The following RPL27A variants were observed in gnomAD, a reference collection of about 807,000 sequenced individuals.
RPL27A encodes ribosomal protein L27a, also known as large ribosomal subunit protein uL15.
For missense variants in RPL27A, 118 were observed against 189.4 expected (o/e 0.62, Z 2.21); for synonymous variants, 69 against 68.3 (o/e 1.01, Z -0.05).
In RPL27A at chr11:8,686,856, G is replaced by T. The variant is rs2039591747; in HGVS notation, c.*1050G>T. 1 of 152,130 alleles carries T rather than the reference G, an allele frequency of 6.6e-6. No homozygotes were observed. Among genetic ancestry groups the T allele is most frequent in the Non-Finnish European group, 1.5e-5 (1 of 68,028 alleles). 9.4% of individuals were successfully genotyped at this position (152,130 alleles called of 1,614,324 possible). A position where few individuals can be genotyped will look rare whatever the true frequency, so the allele number is the denominator to read the frequency against. On this transcript the variant is annotated 3_prime_UTR_variant, in exon 5 of 5. Coordinates refer to ENST00000314138, the MANE Select transcript of RPL27A (RefSeq NM_000990.5). ...GCTACAGTTTTATGGTTCTTCCTGT[G>T]ATTTTGAGCTTTTTTTGACCCAAAA...
chr11:8,684,465 AT>A (rs2133616289), intron 3 of RPL27A: 1 of 692,194 alleles, frequency 1.4e-6, no homozygotes, highest in Non-Finnish European at 2.6e-6. Context: ...TGTGACTTGA[AT>A]TTTAGTCTCG....
At position 8,686,955 on chromosome 11, in the gene RPL27A, A is replaced by T. The variant is rs1172718843; in HGVS notation, c.*1149A>T. The stretch of plus-strand genomic sequence containing the variant: ...GGTTTTAGTTAGTGGAGGTTTCCTT[A>T]GTGCACTGTGGGGTCATAATAAGCC... On this transcript the variant is annotated 3_prime_UTR_variant, in exon 5 of 5. Coordinates refer to ENST00000314138, the MANE Select transcript of RPL27A (RefSeq NM_000990.5). 1.3e-5 allele frequency: 2 copies of T among 152,168 alleles called. No individual in the cohort carries two copies. Among genetic ancestry groups the T allele is most frequent in the Non-Finnish European group, 2.9e-5 (2 of 68,020 alleles). 9.4% of individuals were successfully genotyped at this position (152,168 alleles called of 1,614,324 possible). A position where few individuals can be genotyped will look rare whatever the true frequency, so the allele number is the denominator to read the frequency against.
At chr11:8,683,565 C>T (rs1018922398) in intron 2 of RPL27A, 3 of 531,116 alleles carry the variant, frequency 5.6e-6, no homozygotes, top group Non-Finnish European at 3.4e-6. Context: ...AATCGCATTG[C>T]TGAAAACCGG....
chr11:8,685,518 T>G, intron 4 of RPL27A, 160 bp from the exon 5 acceptor site: 1 of 789,106 alleles, frequency 1.3e-6, no homozygotes, highest in Non-Finnish European at 2.3e-6. Flanking sequence ...TGGTCTTGAT[T>G]CACTGGTGGG....
chr11:8,683,719 C>G (rs112533323), intron 2 of RPL27A: 1 of 503,198 alleles, frequency 2.0e-6, no homozygotes, highest in Admixed American at 3.2e-5. Context: ...TCACTGTCGC[C>G]CAGGCTGGAG....
At position 8,687,312 on chromosome 11, in the gene RPL27A, T is replaced by C. The variant is rs755940010; in HGVS notation, c.*1506T>C. On this transcript the variant is annotated 3_prime_UTR_variant, in exon 5 of 5. Coordinates refer to ENST00000314138, the MANE Select transcript of RPL27A (RefSeq NM_000990.5). ...TACTTTGGAGGCTGAGCCAGGAGAA[T>C]CTCCAGGAGGCGGAGGTTGCTGTGA... 1 of 148,560 alleles carries C rather than the reference T, an allele frequency of 6.7e-6. No individual in the cohort carries two copies. The highest frequency in any genetic ancestry group is 2.0e-4 in the East Asian group (1 of 4,942). 9.2% of individuals were successfully genotyped at this position (148,560 alleles called of 1,614,324 possible).
chr11:8,684,850 A>C lies in RPL27A; in HGVS notation c.276A>C (p.Lys92Asn). The C allele has an allele frequency of 3.1e-6, 5 of 1,614,158 alleles. No individual in the cohort carries two copies. The highest frequency in any genetic ancestry group is 4.2e-6 in the Non-Finnish European group (5 of 1,179,980). The change falls in exon 4 of 5, where the codon AAA (lysine) becomes AAC (asparagine). Residue 92 changes from lysine to asparagine, a missense_variant. By Grantham distance (94) the Lys-to-Asn change is moderately conservative (BLOSUM62 0). Coordinates refer to ENST00000314138, the MANE Select transcript of RPL27A (RefSeq NM_000990.5). ...VSEQTRVNAA[K>N]NKTGAAPIID... ...AACAGACACGGGTGAATGCTGCTAA[A>C]AACAAGACTGGGGCTGCTCCCATCA...
chr11:8,683,255 C>T lies in RPL27A; in HGVS notation c.57C>T (p.His19=). 11 of 1,614,196 alleles carry T rather than the reference C, an allele frequency of 6.8e-6. No individual in the cohort carries two copies. Among genetic ancestry groups the T allele is most frequent in the Non-Finnish European group, 9.3e-6 (11 of 1,179,986 alleles). ...RKLRGHVSHG[H]GRIGKHRKHP... ...TTAGGGGCCACGTGAGCCACGGCCA[C>T]GGCCGCATAGGTAAGTGCCGGCTTC... is the stretch of plus-strand genomic sequence containing the variant. Residue 19 remains histidine (H), a synonymous_variant, in exon 2 of 5, where the codon CAC becomes CAT. Coordinates refer to ENST00000314138, the MANE Select transcript of RPL27A (RefSeq NM_000990.5).
chr11:8,683,801 C>T (rs1423833138), intron 2 of RPL27A: 2 of 577,778 alleles, frequency 3.5e-6, no homozygotes, highest in Non-Finnish European at 6.3e-6. Flanking sequence ...CCTCAGCCTC[C>T]CGAGTAGCTG....
rs536900825 is a variant in RPL27A, at chr11:8,682,966, G to C, written c.3+150G>C. ...GGGGCAGGGTGGCCGGCGCGGGCCCGGGGCGGGGCTCCCGGAGCCGTGTGT... is the reference window on the plus strand; with the variant it reads ...GGGGCAGGGTGGCCGGCGCGGGCCCCGGGCGGGGCTCCCGGAGCCGTGTGT... On this transcript the variant is annotated intron_variant, in intron 1 of 4. Transcript: ENST00000314138. 1.6e-5 allele frequency: 18 copies of C among 1,100,710 alleles called. No homozygotes were observed. The African/African-American group carries it at 2.2e-4, about 14-fold the overall frequency. The allele number at this position is 1,100,710 out of a possible 1,614,324, so 68.2% of individuals were successfully genotyped here.
At chr11:8,683,914 T>G (rs764930327) in intron 2 of RPL27A, 92 bp from the exon 3 acceptor site, 1 of 980,252 alleles carries the variant, frequency 1.0e-6, no homozygotes, top group African/African-American at 1.6e-5. Context: ...ACTCCTGACC[T>G]CAGGTGATCT....
chr11:8,684,861 G>T lies in RPL27A; in HGVS notation c.287G>T (p.Gly96Val), dbSNP rs1278922668. The T allele has an allele frequency of 4.6e-5, 74 of 1,613,928 alleles. No individual in the cohort carries two copies. Among genetic ancestry groups the T allele is most frequent in the Non-Finnish European group, 6.3e-5 (74 of 1,179,970 alleles). ...TRVNAAKNKT[G>V]AAPIIDVVRS... ...GTGAATGCTGCTAAAAACAAGACTG[G>T]GGCTGCTCCCATCATTGATGTGGTG... Residue 96 changes from glycine to valine, a missense_variant, in exon 4 of 5, where the codon GGG becomes GTG. Coordinates refer to ENST00000314138, the MANE Select transcript of RPL27A (RefSeq NM_000990.5).
intron 2 of RPL27A, 69 bp from the exon 3 acceptor site, chr11:8,683,937 C>T (rs2039548104): frequency 7.9e-7 from 1 of 1,270,078 alleles, no homozygotes; most frequent in African/African-American, 1.5e-5. Flanking sequence ...CCCCCCTCGT[C>T]CTCCTAAAAT....
intron 4 of RPL27A, chr11:8,685,433 T>C (rs1443422371): frequency 6.0e-6 from 4 of 670,158 alleles, no homozygotes; most frequent in Admixed American, 5.4e-5. Flanking sequence ...AGGAGGCTTA[T>C]GCTTTGCCGA....
chr11:8,685,565 C>A, intron 4 of RPL27A, 113 bp from the exon 5 acceptor site: 1 of 1,224,896 alleles, frequency 8.2e-7, no homozygotes, highest in Non-Finnish European at 1.2e-6. Context: ...AGATCAGAAA[C>A]ATACATACCC....
At chr11:8,683,100 G>A (rs2039520094) in intron 1 of RPL27A, 102 bp from the exon 2 acceptor site, 1 of 1,261,690 alleles carries the variant, frequency 7.9e-7, no homozygotes, top group African/African-American at 1.5e-5. Context: ...CGCTCCAGAA[G>A]TTAGGTCTTT....
At chr11:8,685,140 C>T in intron 4 of RPL27A, 1 of 553,274 alleles carries the variant, frequency 1.8e-6, no homozygotes, top group Non-Finnish European at 3.2e-6. Flanking sequence ...CTTGGCCCTT[C>T]ATGTTCTCCA....
chr11:8,689,275 C>T lies in RPL27A; in HGVS notation c.*3469C>T, dbSNP rs1283465813. Reference sequence around the variant, plus strand: ...TTACGTAAATCTTCGAGATGGGAACCTCCAGAATTTGTCTCAATTGTCTAA... The same window carrying T: ...TTACGTAAATCTTCGAGATGGGAACTTCCAGAATTTGTCTCAATTGTCTAA... On this transcript the variant is annotated 3_prime_UTR_variant, in exon 5 of 5. Coordinates refer to ENST00000314138, the MANE Select transcript of RPL27A (RefSeq NM_000990.5). 1 of 152,220 alleles carries T rather than the reference C, an allele frequency of 6.6e-6. No homozygotes were observed. Among genetic ancestry groups the T allele is most frequent in the Non-Finnish European group, 1.5e-5 (1 of 68,050 alleles). The allele number at this position is 152,220 out of a possible 1,614,324, so 9.4% of individuals were successfully genotyped here.
chr11:8,683,091 G>A, intron 1 of RPL27A, 111 bp from the exon 2 acceptor site: 1 of 1,185,366 alleles, frequency 8.4e-7, no homozygotes. Flanking sequence ...TTTCCCAAAC[G>A]CTCCAGAAGT....
Sources: allele counts gnomAD v4.1 joint callset, GRCh38; gene constraint gnomAD v4.1.1; transcripts MANE v1.5; gene names NCBI Gene and HGNC (gene_info 2026-07-23, HGNC 2026-07-21).